The following PXDNL variants were observed in gnomAD, a reference collection of about 807,000 sequenced individuals.
PXDNL encodes peroxidasin like.
In PXDNL, 145 loss-of-function variants were observed where a neutral mutation model predicts 150.8. That is an observed-to-expected ratio of 0.96 (90% CI 0.84 to 1.10). PXDNL has a LOEUF of 1.10. PXDNL is among the 50% of genes least tolerant of loss of function. The pLI is 0.00. For synonymous variants in PXDNL, 757 were observed against 725.7 expected, an observed-to-expected ratio of 1.04 and a Z score of -0.69; for missense variants, 2,087 against 1,873.9, an observed-to-expected ratio of 1.11 and a Z score of -2.10.
chr8:51,550,445 C>A (rs796811293), intron 4 of PXDNL, among the ~76,000 whole-genome samples: 7 of 152,250 alleles, frequency 4.6e-5, no homozygotes, highest in African/African-American at 1.7e-4. Flanking sequence ...AAAAACCTAG[C>A]TAACCAAATC....
intron 4 of PXDNL, among the ~76,000 whole-genome samples, chr8:51,525,049 A>G (rs531251396): frequency 6.6e-6 from 1 of 152,324 alleles, no homozygotes; most frequent in South Asian, 2.1e-4. Context: ...AGGAAGGAAG[A>G]ACAATTTTAA....
intron 12 of PXDNL, among the ~76,000 whole-genome samples, chr8:51,430,574 T>C (rs1245664959): frequency 2.6e-5 from 4 of 152,198 alleles, no homozygotes; most frequent in Non-Finnish European, 5.9e-5. Flanking sequence ...GTGGAAACTT[T>C]TGCTACAGAA....
In PXDNL at chr8:51,409,500, T is replaced by C. The variant is rs1808563575; in HGVS notation, c.2124A>G (p.Gly708=). 1.9e-6 allele frequency: 3 copies of C among 1,611,204 alleles called. No homozygotes were observed. Among genetic ancestry groups the C allele is most frequent in the Non-Finnish European group, 2.5e-6 (3 of 1,179,176 alleles). Residue 708 remains glycine, a synonymous_variant, in exon 17 of 23, where the codon GGA becomes GGG. Transcript: ENST00000356297. ...RSLSLIANLS[G]CTARRPLPNC... is the part of the protein sequence containing the mutation. ...TTGGCAGAGGCCTGCGAGCTGTGCA[T>C]CCAGATAAATTGGCGATGAGGCTGA...
chr8:51,411,288 C>G lies in PXDNL; in HGVS notation c.2024G>C (p.Arg675Pro), dbSNP rs945964533. 2 of 1,545,066 alleles carry G rather than the reference C, an allele frequency of 1.3e-6. No individual in the cohort carries two copies. Among genetic ancestry groups the G allele is most frequent in the East Asian group, 4.9e-5 (2 of 40,828 alleles). ...FEHTLQLIRE[R>P]VKQGLTVDLE... is the part of the protein sequence containing the mutation. ...GTCCACAGTGAGCCCCTGCTTCACACGTTCCCGTATCAGCTGCAGCGTGTG... is the reference window on the plus strand; with the variant it reads ...GTCCACAGTGAGCCCCTGCTTCACAGGTTCCCGTATCAGCTGCAGCGTGTG... Residue 675 changes from arginine to proline, a missense_variant, in exon 16 of 23, where the codon CGT (arginine) becomes CCT (proline). Arg to Pro is a moderately radical substitution (Grantham distance 103). Transcript: ENST00000356297.
intron 1 of PXDNL, among the ~76,000 whole-genome samples, chr8:51,721,337 G>A (rs1389176947): frequency 6.6e-6 from 1 of 152,184 alleles, no homozygotes; most frequent in Non-Finnish European, 1.5e-5. Context: ...TAGCTGCAAA[G>A]AATGAATTGT....
intron 3 of PXDNL, among the ~76,000 whole-genome samples, chr8:51,562,046 A>G (rs754350330): frequency 1.8e-4 from 27 of 151,744 alleles, no homozygotes; most frequent in African/African-American, 6.0e-4. Flanking sequence ...TCATATTTCA[A>G]TATTTTCTAA....
chr8:51,637,491 T>A (rs1585637582), intron 2 of PXDNL, among the ~76,000 whole-genome samples: 1 of 152,094 alleles, frequency 6.6e-6, no homozygotes, highest in Non-Finnish European at 1.5e-5. Flanking sequence ...ATAAACAGTG[T>A]AGAGAAGTCC....
At chr8:51,467,185 A>C (rs1156386016) in intron 8 of PXDNL, among the ~76,000 whole-genome samples, 1 of 152,160 alleles carries the variant, frequency 6.6e-6, no homozygotes, top group African/African-American at 2.4e-5. Flanking sequence ...TACTACATAC[A>C]CACCTTGGAA....
At chr8:51,704,835 T>C (rs1206858956) in intron 1 of PXDNL, among the ~76,000 whole-genome samples, 1 of 152,328 alleles carries the variant, frequency 6.6e-6, no homozygotes, top group East Asian at 1.9e-4. Flanking sequence ...TTCATTCTTA[T>C]TGATTTCTAG....
chr8:51,678,721 G>A (rs1200085879), intron 1 of PXDNL, among the ~76,000 whole-genome samples: 1 of 151,700 alleles, frequency 6.6e-6, no homozygotes, highest in Non-Finnish European at 1.5e-5. Context: ...CTGTTGTGGG[G>A]TGGCGGGGTG....
chr8:51,698,823 G>A (rs1816194739), intron 1 of PXDNL, among the ~76,000 whole-genome samples: 1 of 152,208 alleles, frequency 6.6e-6, no homozygotes, highest in African/African-American at 2.4e-5. Context: ...ATGCTGCAAA[G>A]CAAATATTGT....
intron 4 of PXDNL, among the ~76,000 whole-genome samples, chr8:51,504,422 C>G (rs889399008): frequency 6.6e-6 from 1 of 152,172 alleles, no homozygotes; most frequent in Non-Finnish European, 1.5e-5. Context: ...ACCTGCCATA[C>G]TCCTGCCTAC....
chr8:51,424,775 C>G (rs1809047688), intron 13 of PXDNL, among the ~76,000 whole-genome samples: 1 of 152,190 alleles, frequency 6.6e-6, no homozygotes, highest in Admixed American at 6.5e-5. Context: ...TTCAAAAGAA[C>G]TCACACTCCA....
At chr8:51,513,598 AT>A (rs1811472021) in intron 4 of PXDNL, among the ~76,000 whole-genome samples, 1 of 152,244 alleles carries the variant, frequency 6.6e-6, no homozygotes, top group African/African-American at 2.4e-5. Context: ...TTGGTCACTG[AT>A]GCACAATATT....
intron 12 of PXDNL, among the ~76,000 whole-genome samples, chr8:51,441,498 G>C (rs1809547561): frequency 6.6e-6 from 1 of 152,192 alleles, no homozygotes. Flanking sequence ...CAGAGAACTA[G>C]AAAGCAAAGG....
intron 11 of PXDNL, among the ~76,000 whole-genome samples, chr8:51,448,369 C>G (rs1809726951): frequency 6.6e-6 from 1 of 152,192 alleles, no homozygotes; most frequent in Non-Finnish European, 1.5e-5. Flanking sequence ...TCATTTTGTA[C>G]TAGAAGAAAA....
At chr8:51,690,885 C>G (rs1206432382) in intron 1 of PXDNL, among the ~76,000 whole-genome samples, 1 of 152,110 alleles carries the variant, frequency 6.6e-6, no homozygotes, top group Non-Finnish European at 1.5e-5. Flanking sequence ...GATGGTATCT[C>G]ATTGTGGTTT....
rs916991360 is a variant in PXDNL at position 51,490,867 on chromosome 8, G to T, written c.453-7153C>A. On this transcript the variant is annotated intron_variant, in intron 5 of 22. Transcript: ENST00000356297. The stretch of plus-strand genomic sequence containing the variant: ...TGAAATAAAAATCTATTACCTAGCT[G>T]TGATGGTTAATACTGAGTGTTAATT... Among the ~76,000 whole-genome samples the T allele has an allele frequency of 1.3e-4, 20 of 151,950 alleles. 2 individuals carry two copies. Among genetic ancestry groups the T allele is most frequent in the Admixed American group, 1.2e-3 (19 of 15,226 alleles).
rs542090103 is a variant in PXDNL, at chr8:51,369,956, G to A, written c.3901+1917C>T. The stretch of plus-strand genomic sequence containing the variant: ...ATGGAACAATGGCAATGGGGGGAGG[G>A]CAGCAGAGGAACTGCCCTTGGTGGG... On this transcript the variant is annotated intron_variant, in intron 19 of 22. Coordinates refer to ENST00000356297, the MANE Select transcript of PXDNL (RefSeq NM_144651.5). 3.3e-5 allele frequency among the ~76,000 whole-genome samples: 5 copies of A among 152,314 alleles called. No homozygotes were observed. In the South Asian group the frequency reaches 1.0e-3, roughly 32 times the overall value.
Sources: gnomAD v4.1 joint callset for allele counts (sites outside exome capture counted in the v4.1 genomes callset) on GRCh38, gnomAD v4.1.1 for gene constraint, MANE v1.5 for transcripts, NCBI Gene and HGNC (gene_info 2026-07-23, HGNC 2026-07-21) for gene names.